The following ADAMTS9 variants were observed in gnomAD, a reference collection of about 807,000 sequenced individuals.
ADAMTS9 encodes ADAM metallopeptidase with thrombospondin type 1 motif 9.
In ADAMTS9, 107 loss-of-function variants were observed where a neutral mutation model predicts 257.1. The ratio of observed to expected loss-of-function variants is 0.42; its 90% CI spans 0.36 to 0.49. The LOEUF (loss-of-function observed/expected upper bound fraction) is 0.49. ADAMTS9 is among the 20% of genes least tolerant of loss of function. The probability of loss-of-function intolerance (pLI) is 0.03; values close to 1 mark genes in which losing one functional copy is unlikely to be tolerated. For synonymous variants in ADAMTS9, 982 were observed against 880.9 expected, an observed-to-expected ratio of 1.11 and a Z score of -2.03; for missense variants, 2,353 against 2,469.1, an observed-to-expected ratio of 0.95 and a Z score of 1.00.
At chr3:64,639,512 T>C (rs1035570997) in intron 12 of ADAMTS9, among the ~76,000 whole-genome samples, 3 of 151,948 alleles carry the variant, frequency 2.0e-5, no homozygotes, top group African/African-American at 7.3e-5. Flanking sequence ...GATTTATCTC[T>C]CTCCACTTTT....
At chr3:64,570,413 T>A (rs1360677255) in intron 28 of ADAMTS9, among the ~76,000 whole-genome samples, 2 of 152,206 alleles carry the variant, frequency 1.3e-5, no homozygotes, top group Non-Finnish European at 1.5e-5. Context: ...GCTACAATTA[T>A]GAGTTTGGAT....
chr3:64,537,321 A>C (rs1240074375), intron 37 of ADAMTS9, among the ~76,000 whole-genome samples: 1 of 152,226 alleles, frequency 6.6e-6, no homozygotes, highest in Non-Finnish European at 1.5e-5. Flanking sequence ...GTGCATATAG[A>C]AACAAGAAAA....
rs754213042 is a variant in ADAMTS9 at position 64,658,488 on chromosome 3, T to C, written c.969+14A>G. ...TAGAGACCTCATAAATCACCTTCGT[T>C]TGAATGTACTTACAATTGACATTAA... On this transcript the variant is annotated intron_variant, in intron 4 of 39. Coordinates refer to ENST00000498707, the MANE Select transcript of ADAMTS9 (RefSeq NM_182920.2). The C allele has an allele frequency of 6.2e-7, 1 of 1,604,066 alleles. No individual in the cohort carries two copies. The highest frequency in any genetic ancestry group is 8.5e-7 in the Non-Finnish European group (1 of 1,175,008).
chr3:64,591,856 A>T (rs1461266105), intron 28 of ADAMTS9, among the ~76,000 whole-genome samples: 1 of 152,188 alleles, frequency 6.6e-6, no homozygotes, highest in Non-Finnish European at 1.5e-5. Context: ...CTTGGTCCCT[A>T]ATAAATCTAA....
At chr3:64,656,752 G>T (rs796572219) in intron 4 of ADAMTS9, among the ~76,000 whole-genome samples, 5 of 152,094 alleles carry the variant, frequency 3.3e-5, no homozygotes, top group African/African-American at 1.2e-4. Context: ...AGCGGCATGT[G>T]GGGGTGAGAG....
intron 3 of ADAMTS9, among the ~76,000 whole-genome samples, chr3:64,671,027 T>C (rs1277813347): frequency 6.6e-6 from 1 of 152,210 alleles, no homozygotes; most frequent in Admixed American, 6.5e-5. Flanking sequence ...AAGCCAGTAA[T>C]CTTATGCCTA....
chr3:64,669,975 G>T (rs1393016198), intron 3 of ADAMTS9, among the ~76,000 whole-genome samples: 3 of 152,144 alleles, frequency 2.0e-5, no homozygotes, highest in African/African-American at 7.2e-5. Context: ...TACAATCAAA[G>T]ATACCGCTGG....
In ADAMTS9 at chr3:64,687,819, C is replaced by G. The variant is rs1348731638; in HGVS notation, c.-162G>C. 5.8e-6 allele frequency: 3 copies of G among 519,724 alleles called. No homozygotes were observed. Among genetic ancestry groups the G allele is most frequent in the Non-Finnish European group, 1.0e-5 (3 of 297,860 alleles). 32.2% of individuals were successfully genotyped at this position (519,724 alleles called of 1,614,324 possible). On this transcript the variant is annotated 5_prime_UTR_variant, in exon 1 of 40. Transcript: ENST00000498707. The surrounding 1 kb of genome is among the most constrained non-coding windows in gnomAD (Gnocchi z 4.4). Reference sequence around the variant, plus strand: ...CGCTGAGGTCTCGCTGCGAGGGTCCCGTCTGCGCTCGGCTGAGCAACGCCG... The same window carrying G: ...CGCTGAGGTCTCGCTGCGAGGGTCCGGTCTGCGCTCGGCTGAGCAACGCCG...
intron 23 of ADAMTS9, 83 bp from the exon 24 acceptor site, chr3:64,604,414 T>C (rs928494622): frequency 4.4e-5 from 45 of 1,028,224 alleles, no homozygotes; most frequent in Non-Finnish European, 5.8e-5. Context: ...GATAAAAATG[T>C]AAAGGCTAAG....
chr3:64,526,852 T>A (rs1050656438), intron 38 of ADAMTS9, among the ~76,000 whole-genome samples: 1 of 152,230 alleles, frequency 6.6e-6, no homozygotes, highest in African/African-American at 2.4e-5. Context: ...ATGTGCTCAA[T>A]GAATATTAAC....
intron 30 of ADAMTS9, among the ~76,000 whole-genome samples, chr3:64,551,974 G>A (rs931413037): frequency 6.6e-6 from 1 of 152,204 alleles, no homozygotes; most frequent in African/African-American, 2.4e-5. Flanking sequence ...GTTCCTACTA[G>A]GTGTCAGGCC....
intron 32 of ADAMTS9, among the ~76,000 whole-genome samples, chr3:64,543,133 C>T (rs2083148694): frequency 6.6e-6 from 1 of 152,038 alleles, no homozygotes; most frequent in South Asian, 2.1e-4. Context: ...AATAGCCTAC[C>T]AACCAAAAAA....
At chr3:64,613,197 T>G in intron 22 of ADAMTS9, 148 bp downstream of exon 22, 1 of 905,516 alleles carries the variant, frequency 1.1e-6, no homozygotes, top group East Asian at 2.8e-5. Context: ...GTTGCAGAGT[T>G]ACATGTGCTT....
intron 36 of ADAMTS9, among the ~76,000 whole-genome samples, chr3:64,540,335 TTC>T (rs2083104181): frequency 6.6e-6 from 1 of 152,244 alleles, no homozygotes; most frequent in African/African-American, 2.4e-5. Context: ...TATTCATTAT[TTC>T]TGTTTTTCCT....
intron 23 of ADAMTS9, among the ~76,000 whole-genome samples, chr3:64,606,057 G>C (rs962114176): frequency 1.3e-5 from 2 of 152,136 alleles, no homozygotes; most frequent in African/African-American, 4.8e-5. Context: ...TTTAAGGGTA[G>C]GATGAAAGTG....
chr3:64,622,617 A>T (rs1364948797), intron 16 of ADAMTS9, 31 bp from the exon 17 acceptor site: 2 of 1,608,712 alleles, frequency 1.2e-6, no homozygotes, highest in African/African-American at 1.3e-5. Context: ...TAATACATTG[A>T]TCTGCTGTCA....
chr3:64,517,416 G>GTTTTTTTTTGTTTTTT (rs2082789660), intron 39 of ADAMTS9, among the ~76,000 whole-genome samples: 3 of 52,638 alleles, frequency 5.7e-5, no homozygotes, highest in Non-Finnish European at 7.6e-5. Context: ...ATTAAAAATG[G>GTTTTTTTTTGTTTTTT]TTTTTTTTTT....
intron 16 of ADAMTS9, among the ~76,000 whole-genome samples, 179 bp from the exon 17 acceptor site, chr3:64,622,765 C>T (rs1700140039): frequency 6.6e-6 from 1 of 152,138 alleles, no homozygotes; most frequent in African/African-American, 2.4e-5. Flanking sequence ...CTTTGGGAAT[C>T]ATTTTCCATC....
intron 18 of ADAMTS9, 48 bp downstream of exon 18, chr3:64,622,150 A>ATAAG (rs759341097): frequency 2.6e-6 from 4 of 1,547,196 alleles, no homozygotes; most frequent in Non-Finnish European, 3.5e-6. Context: ...AAATAAATAA[A>ATAAG]TAAAATAAAC....
Sources: gnomAD v4.1 joint callset for allele counts (sites outside exome capture counted in the v4.1 genomes callset) on GRCh38, gnomAD v4.1.1 for gene constraint, Gnocchi (gnomAD v3.1) non-coding constraint, MANE v1.5 for transcripts, NCBI Gene and HGNC (gene_info 2026-07-23, HGNC 2026-07-21) for gene names.